Variants in ERI3 observed in about 807,000 individuals in gnomAD.
The protein encoded by ERI3 is ERI1 exoribonuclease family member 3, also known as ERI1 exoribonuclease 3.
A neutral mutation model predicts 44.4 loss-of-function variants in ERI3; 18 were observed. The ratio of observed to expected loss-of-function variants is 0.41; its 90% CI spans 0.28 to 0.60. The LOEUF (loss-of-function observed/expected upper bound fraction) is 0.60, where lower values mean the gene tolerates loss of function less well. Among genes scored for constraint, ERI3 ranks in the 20% least tolerant of loss-of-function variants. ERI3 has a pLI of 0.36. For synonymous variants in ERI3, 183 were observed against 164.8 expected, an observed-to-expected ratio of 1.11 and a Z score of -0.84; for missense variants, 294 against 435.5, an observed-to-expected ratio of 0.68 and a Z score of 2.89.
chr1:44,305,159 C>A (rs1018069441), intron 6 of ERI3, among the ~76,000 whole-genome samples: 8 of 152,240 alleles, frequency 5.3e-5, no homozygotes, highest in African/African-American at 2.4e-5. Flanking sequence ...CTCAGACTCA[C>A]GGCCCACTGG....
intron 3 of ERI3, among the ~76,000 whole-genome samples, chr1:44,323,698 A>G (rs1314093867): frequency 6.6e-6 from 1 of 152,216 alleles, no homozygotes; most frequent in African/African-American, 2.4e-5. Context: ...AATAGGAATG[A>G]TCTCATTTAA....
chr1:44,284,035 C>T (rs751104685), intron 7 of ERI3: 19 of 470,998 alleles, frequency 4.0e-5, no homozygotes, highest in African/African-American at 3.8e-4. Flanking sequence ...TGACTGGTAG[C>T]ATGAGGTTCC....
intron 8 of ERI3, among the ~76,000 whole-genome samples, chr1:44,227,611 T>C (rs1644076426): frequency 1.3e-5 from 2 of 152,226 alleles, no homozygotes; most frequent in South Asian, 2.1e-4. Context: ...TAGTGTCCTG[T>C]ATTATTTGTA....
chr1:44,252,523 A>T lies in ERI3; in HGVS notation c.832-4485T>A, dbSNP rs1461537560. On this transcript the variant is annotated intron_variant, in intron 7 of 8. Transcript: ENST00000372257. This position sits in a 1 kb window ranked among gnomAD's most constrained non-coding sequence, Gnocchi z 4.7. ...CTCAGCGCAGCCTGCTATTACATGCAAACACTGATCGCCCTGTGAAATTAC... is the reference window on the plus strand; with the variant it reads ...CTCAGCGCAGCCTGCTATTACATGCTAACACTGATCGCCCTGTGAAATTAC... Among the ~76,000 whole-genome samples, 1 of 152,226 alleles carries T rather than the reference A, an allele frequency of 6.6e-6. No individual in the cohort carries two copies. The highest frequency in any genetic ancestry group is 2.4e-5 in the African/African-American group (1 of 41,466).
intron 5 of ERI3, among the ~76,000 whole-genome samples, chr1:44,311,733 G>A (rs1645977426): frequency 6.6e-6 from 1 of 152,062 alleles, no homozygotes; most frequent in African/African-American, 2.4e-5. Flanking sequence ...AGCTACAGAT[G>A]TTCCAGGAAA....
chr1:44,347,107 T>C (rs1195933176), intron 2 of ERI3, among the ~76,000 whole-genome samples: 1 of 152,178 alleles, frequency 6.6e-6, no homozygotes, highest in African/African-American at 2.4e-5. Context: ...CCACGTGTGA[T>C]GGCCCACATT....
rs368260070 is a variant in ERI3 at position 44,240,440 on chromosome 1, G to C, written c.931+7499C>G. Among the ~76,000 whole-genome samples the C allele has an allele frequency of 1.5e-4, 23 of 152,254 alleles. No homozygotes were observed. The South Asian group carries it at 4.6e-3, about 30-fold the overall frequency. On this transcript the variant is annotated intron_variant, in intron 8 of 8. Transcript: ENST00000372257. ...ATGGATCCAGGCGTGGTGACATGTC[G>C]CGTGTCTGCAGCTGGTGGAATGGAA...
chr1:44,345,950 C>T (rs1646774601), intron 2 of ERI3, among the ~76,000 whole-genome samples: 2 of 152,230 alleles, frequency 1.3e-5, no homozygotes, highest in South Asian at 2.1e-4. Flanking sequence ...AAAGGCCTCA[C>T]TAGTCATTTC....
chr1:44,283,069 C>T (rs1645321362), intron 7 of ERI3, among the ~76,000 whole-genome samples: 1 of 152,188 alleles, frequency 6.6e-6, no homozygotes, highest in South Asian at 2.1e-4. Context: ...TCATGGTCAG[C>T]GCCTGCCTCG....
At chr1:44,311,091 C>G (rs1645963026) in intron 5 of ERI3, among the ~76,000 whole-genome samples, 1 of 151,358 alleles carries the variant, frequency 6.6e-6, no homozygotes, top group Non-Finnish European at 1.5e-5. Flanking sequence ...CTCCCTAAAT[C>G]AGCATAACCT....
intron 7 of ERI3, among the ~76,000 whole-genome samples, chr1:44,283,083 G>A (rs1294244379): frequency 6.6e-6 from 1 of 152,218 alleles, no homozygotes; most frequent in South Asian, 2.1e-4. Context: ...TGCCTCGCCT[G>A]GCCGGGCCTT....
intron 7 of ERI3, among the ~76,000 whole-genome samples, chr1:44,283,828 C>A (rs1339353805): frequency 6.6e-6 from 1 of 152,202 alleles, no homozygotes; most frequent in Non-Finnish European, 1.5e-5. Flanking sequence ...CCCACACACA[C>A]CAAAAGCATG....
At chr1:44,316,310 G>A (rs1646087231) in intron 4 of ERI3, among the ~76,000 whole-genome samples, 1 of 152,190 alleles carries the variant, frequency 6.6e-6, no homozygotes, top group Admixed American at 6.5e-5. Flanking sequence ...GGAGAGGTGA[G>A]AGGAAGAATT....
chr1:44,303,754 ACT>A (rs1557834715), intron 6 of ERI3, among the ~76,000 whole-genome samples: 2 of 152,140 alleles, frequency 1.3e-5, no homozygotes. Context: ...AACAGTTTGG[ACT>A]TTACCCTTGA....
chr1:44,277,918 G>A (rs551384925), intron 7 of ERI3, among the ~76,000 whole-genome samples: 7 of 152,240 alleles, frequency 4.6e-5, no homozygotes, highest in Non-Finnish European at 1.5e-5. Flanking sequence ...TAACCATAGC[G>A]TCTAGCACAG....
At chr1:44,237,553 C>A (rs1301243834) in intron 8 of ERI3, among the ~76,000 whole-genome samples, 2 of 152,212 alleles carry the variant, frequency 1.3e-5, no homozygotes, top group East Asian at 3.9e-4. Flanking sequence ...ACCTTGAAGG[C>A]ATGAGCCTTA....
chr1:44,310,963 GCACACACACA>G (rs58344074), intron 5 of ERI3, among the ~76,000 whole-genome samples: 3,688 of 122,976 alleles, frequency 0.03, 199 homozygotes, highest in African/African-American at 0.057. Flanking sequence ...GCGCGCGCGC[GCACACACACA>G]CACACACACA....
At chr1:44,334,147 T>A (rs1646486120) in intron 3 of ERI3, among the ~76,000 whole-genome samples, 1 of 152,212 alleles carries the variant, frequency 6.6e-6, no homozygotes, top group Non-Finnish European at 1.5e-5. Flanking sequence ...TGGCAGCTCC[T>A]CGGATGGGGA....
rs1644710798 is a variant in ERI3 at position 44,252,874 on chromosome 1, G to A, written c.832-4836C>T. ...GGCTGCAGACAGAATAGGCTGCTCTGCAACTTTCAGAAAAACCAGAGTTTT... is the reference window on the plus strand; with the variant it reads ...GGCTGCAGACAGAATAGGCTGCTCTACAACTTTCAGAAAAACCAGAGTTTT... On this transcript the variant is annotated intron_variant, in intron 7 of 8. Coordinates refer to ENST00000372257, the MANE Select transcript of ERI3 (RefSeq NM_024066.3). This position sits in a 1 kb window ranked among gnomAD's most constrained non-coding sequence, Gnocchi z 4.7. Among the ~76,000 whole-genome samples, 1 of 152,190 alleles carries A rather than the reference G, an allele frequency of 6.6e-6. No homozygotes were observed. The highest frequency in any genetic ancestry group is 2.4e-5 in the African/African-American group (1 of 41,418).
Sources: gnomAD v4.1 joint callset for allele counts (sites outside exome capture counted in the v4.1 genomes callset) on GRCh38, gnomAD v4.1.1 for gene constraint, Gnocchi (gnomAD v3.1) non-coding constraint, MANE v1.5 for transcripts, NCBI Gene and HGNC (gene_info 2026-07-23, HGNC 2026-07-21) for gene names.